ZNF703: variants seen among roughly 807,000 people sequenced by gnomAD.
ZNF703 encodes NocA-like zinc finger 1.
Under a neutral mutation model 30.7 loss-of-function variants are expected in ZNF703, and 18 were observed. The observed-to-expected ratio is 0.59, with a 90% confidence interval of 0.40 to 0.87. The LOEUF is 0.87. ZNF703 is among the 40% of genes least tolerant of loss of function. The pLI is 0.00. For missense variants in ZNF703, 814 were observed against 847.8 expected, an observed-to-expected ratio of 0.96 and a Z score of 0.50; for synonymous variants, 457 against 438.6, an observed-to-expected ratio of 1.04 and a Z score of -0.52.
rs1046191442 is a variant in ZNF703 at position 37,696,475 on chromosome 8, T to C, written c.243+253T>C. On this transcript the variant is annotated intron_variant, in intron 1 of 1. Transcript: ENST00000331569. The surrounding 1 kb of genome is among the most constrained non-coding windows in gnomAD (Gnocchi z 8.2). ...TTTTCTCTCGGATTGGATTTGCTCC[T>C]GGAGTCCCCTCTGGGTCCTTTACTT... Among the ~76,000 whole-genome samples the C allele has an allele frequency of 3.3e-5, 5 of 152,144 alleles. No homozygotes were observed. The highest frequency in any genetic ancestry group is 1.2e-4 in the African/African-American group (5 of 41,452).
chr8:37,698,911 C>A lies in ZNF703; in HGVS notation c.*237C>A. The A allele has an allele frequency of 7.7e-6, 3 of 389,380 alleles. No homozygotes were observed. Among genetic ancestry groups the A allele is most frequent in the Non-Finnish European group, 1.4e-5 (3 of 221,604 alleles). 24.1% of individuals were successfully genotyped at this position (389,380 alleles called of 1,614,324 possible). A position where few individuals can be genotyped will look rare whatever the true frequency, so the allele number is the denominator to read the frequency against. On this transcript the variant is annotated 3_prime_UTR_variant, in exon 2 of 2. Coordinates refer to ENST00000331569, the MANE Select transcript of ZNF703 (RefSeq NM_025069.3). ...GGTATGCAAAAAGTCTGTGTTCTCC[C>A]AAATAATAATATTAATCCCACAAAT...
rs1052867150 is a variant in ZNF703 at position 37,699,978 on chromosome 8, A to G, written c.*1304A>G. ...GGGACGAACAGAGCTCTCCCTTGGT[A>G]AGACTTATTTTGTTAATAAATGGAA... is the stretch of plus-strand genomic sequence containing the variant. On this transcript the variant is annotated 3_prime_UTR_variant, in exon 2 of 2. Transcript: ENST00000331569. The G allele has an allele frequency of 7.9e-5, 12 of 152,202 alleles. No individual in the cohort carries two copies. The highest frequency in any genetic ancestry group is 1.6e-4 in the Non-Finnish European group (11 of 68,060). 9.4% of individuals were successfully genotyped at this position (152,202 alleles called of 1,614,324 possible).
rs1354297224 is a variant in ZNF703, at chr8:37,697,912, C to T, written c.1011C>T (p.Ser337=). 1.3e-6 allele frequency: 2 copies of T among 1,556,722 alleles called. No homozygotes were observed. Among genetic ancestry groups the T allele is most frequent in the Non-Finnish European group, 1.7e-6 (2 of 1,157,430 alleles). The part of the protein sequence containing the change: ...PSQFVPGLDP[S]KSGLVGGQLS... ...AGTTCGTGCCTGGCCTGGATCCTAG[C>T]AAGTCCGGCCTCGTGGGAGGCCAGC... The change falls in exon 2 of 2, where the codon AGC becomes AGT. Residue 337 remains serine, a synonymous_variant. Coordinates refer to ENST00000331569, the MANE Select transcript of ZNF703 (RefSeq NM_025069.3).
rs1802121785 is a variant in ZNF703, at chr8:37,698,814, G to C, written c.*140G>C. The C allele has an allele frequency of 3.0e-6, 2 of 657,500 alleles. No homozygotes were observed. The highest frequency in any genetic ancestry group is 3.8e-5 in the African/African-American group (2 of 52,494). The allele number at this position is 657,500 out of a possible 1,614,324, so 40.7% of individuals were successfully genotyped here. ...CCACCCAGCCCTTCCCCACCGGACT[G>C]TGTATTTATTTACTATAATGTTAGC... is the stretch of plus-strand genomic sequence containing the variant. On this transcript the variant is annotated 3_prime_UTR_variant, in exon 2 of 2. Coordinates refer to ENST00000331569, the MANE Select transcript of ZNF703 (RefSeq NM_025069.3).
At position 37,698,223 on chromosome 8, in the gene ZNF703, C is replaced by T. The variant is rs1191792691; in HGVS notation, c.1322C>T (p.Pro441Leu). Reference sequence around the variant, plus strand: ...GCCCAGGCCGCGCTCCCCGGCCACCCGCTCTACACCTACGGCTTCATGCTG... The same window carrying T: ...GCCCAGGCCGCGCTCCCCGGCCACCTGCTCTACACCTACGGCTTCATGCTG... ...SAAQAALPGHPLYTYGFMLQN... is the reference protein window; with the variant it reads ...SAAQAALPGHLLYTYGFMLQN... Residue 441 changes from proline to leucine, a missense_variant, in exon 2 of 2, where the codon CCG (proline) becomes CTG (leucine). Pro to Leu is a moderately conservative substitution (Grantham distance 98). Transcript: ENST00000331569. The T allele has an allele frequency of 2.0e-6, 3 of 1,510,200 alleles. No individual in the cohort carries two copies. 93.5% of individuals were successfully genotyped at this position (1,510,200 alleles called of 1,614,324 possible). A position where few individuals can be genotyped will look rare whatever the true frequency, so the allele number is the denominator to read the frequency against.
At position 37,698,531 on chromosome 8, in the gene ZNF703, C is replaced by T. The variant is rs927295246; in HGVS notation, c.1630C>T (p.Arg544Trp). Residue 544 changes from arginine to tryptophan, a missense_variant, in exon 2 of 2, where the codon CGG (arginine) becomes TGG (tryptophan). Coordinates refer to ENST00000331569, the MANE Select transcript of ZNF703 (RefSeq NM_025069.3). The stretch of plus-strand genomic sequence containing the variant: ...GAATCCACACACTTTGGGCCTAAGC[C>T]GGTACCACCCCTATGGCAAGAGCCA... ...LRNPHTLGLS[R>W]YHPYGKSHLS... 51 of 1,574,464 alleles carry T rather than the reference C, an allele frequency of 3.2e-5. No homozygotes were observed. The highest frequency in any genetic ancestry group is 4.2e-5 in the Non-Finnish European group (49 of 1,163,978).
intron 1 of ZNF703, 100 bp from the exon 2 acceptor site, chr8:37,697,045 G>T: frequency 1.5e-6 from 2 of 1,326,492 alleles, no homozygotes; most frequent in African/African-American, 1.5e-5. Context: ...GGCCCGCCCC[G>T]CCCCGTGGCG....
rs1008237870 is a variant in ZNF703 at position 37,699,554 on chromosome 8, G to A, written c.*880G>A. 6.6e-6 allele frequency: 1 copy of A among 152,276 alleles called. No homozygotes were observed. The highest frequency in any genetic ancestry group is 2.4e-5 in the African/African-American group (1 of 41,456). The allele number at this position is 152,276 out of a possible 1,614,324, so 9.4% of individuals were successfully genotyped here. A position where few individuals can be genotyped will look rare whatever the true frequency, so the allele number is the denominator to read the frequency against. On this transcript the variant is annotated 3_prime_UTR_variant, in exon 2 of 2. Coordinates refer to ENST00000331569, the MANE Select transcript of ZNF703 (RefSeq NM_025069.3). ...CCCAGTGGCTACAGTGCGCCTGTCGGGGCACCTGGAGCGCTCACCTGGTTG... is the reference window on the plus strand; with the variant it reads ...CCCAGTGGCTACAGTGCGCCTGTCGAGGCACCTGGAGCGCTCACCTGGTTG...
At position 37,696,757 on chromosome 8, in the gene ZNF703, C is replaced by T. The variant is rs375057010; in HGVS notation, c.244-388C>T. On this transcript the variant is annotated intron_variant, in intron 1 of 1. Coordinates refer to ENST00000331569, the MANE Select transcript of ZNF703 (RefSeq NM_025069.3). The surrounding 1 kb of genome is among the most constrained non-coding windows in gnomAD (Gnocchi z 8.2). ...GCCCCTCCTTTAGAATCCGCGCTCC[C>T]CTCTCCTACCCCGCGGCGCCATCGC... 7.2e-5 allele frequency among the ~76,000 whole-genome samples: 11 copies of T among 152,272 alleles called. No homozygotes were observed. In the South Asian group the frequency reaches 1.0e-3, roughly 14 times the overall value.
At position 37,697,750 on chromosome 8, in the gene ZNF703, G is replaced by A. The variant is rs1311350985; in HGVS notation, c.849G>A (p.Pro283=). Residue 283 remains proline (P), a synonymous_variant, in exon 2 of 2, where the codon CCG becomes CCA. Transcript: ENST00000331569. ...ESGASGRKSE[P]PSALVGAGHV... ...GGGCCTCCGGGCGCAAGTCCGAGCC[G>A]CCCTCGGCGCTGGTGGGGGCCGGCC... is the stretch of plus-strand genomic sequence containing the variant. The A allele has an allele frequency of 2.1e-6, 3 of 1,445,266 alleles. No individual in the cohort carries two copies. Among genetic ancestry groups the A allele is most frequent in the Non-Finnish European group, 1.8e-6 (2 of 1,103,780 alleles). 89.5% of individuals were successfully genotyped at this position (1,445,266 alleles called of 1,614,324 possible).
chr8:37,695,935 G>C lies in ZNF703; in HGVS notation c.-45G>C. ...CGCCCCGGGAGCTCGCCTCCCCGGT[G>C]CTCCCCCGCCCTCCCCGCCCCCCCA... On this transcript the variant is annotated 5_prime_UTR_variant, in exon 1 of 2. Transcript: ENST00000331569. 7.1e-7 allele frequency: 1 copy of C among 1,406,486 alleles called. No homozygotes were observed. The allele number at this position is 1,406,486 out of a possible 1,614,324, so 87.1% of individuals were successfully genotyped here. A position where few individuals can be genotyped will look rare whatever the true frequency, so the allele number is the denominator to read the frequency against.
In ZNF703 at chr8:37,696,341, C is replaced by T. The variant is rs921511498; in HGVS notation, c.243+119C>T. 3 of 1,416,420 alleles carry T rather than the reference C, an allele frequency of 2.1e-6. No homozygotes were observed. Among genetic ancestry groups the T allele is most frequent in the African/African-American group, 1.5e-5 (1 of 67,204 alleles). 87.7% of individuals were successfully genotyped at this position (1,416,420 alleles called of 1,614,324 possible). On this transcript the variant is annotated intron_variant, in intron 1 of 1. Transcript: ENST00000331569. This position sits in a 1 kb window ranked among gnomAD's most constrained non-coding sequence, Gnocchi z 8.2. Reference sequence around the variant, plus strand: ...CGACACCCAAGTCTGGTCACGCTGGCGGGCTGAGTGAGGAGGGGAAGAAAA... The same window carrying T: ...CGACACCCAAGTCTGGTCACGCTGGTGGGCTGAGTGAGGAGGGGAAGAAAA...
In ZNF703 at chr8:37,695,809, C is replaced by CGGCGGT. The variant is rs1355031304; in HGVS notation, c.-165_-160dup. The CGGCGGT allele has an allele frequency of 3.7e-6, 2 of 545,766 alleles. No homozygotes were observed. The highest frequency in any genetic ancestry group is 3.3e-5 in the South Asian group (1 of 30,306). 33.8% of individuals were successfully genotyped at this position (545,766 alleles called of 1,614,324 possible). A position where few individuals can be genotyped will look rare whatever the true frequency, so the allele number is the denominator to read the frequency against. ...TTTTTGTGTTGCTAGCCGGGGCCAGCGGCGGTGGCGGCGGCGGCGGAGGCG... is the reference window on the plus strand; with the variant it reads ...TTTTTGTGTTGCTAGCCGGGGCCAGCGGCGGTGGCGGTGGCGGCGGCGGCGGAGGCG... On this transcript the variant is annotated 5_prime_UTR_variant, in exon 1 of 2. Coordinates refer to ENST00000331569, the MANE Select transcript of ZNF703 (RefSeq NM_025069.3).
rs1209031561 is a variant in ZNF703, at chr8:37,697,036, G to GCCCGC, written c.244-99_244-95dup. 1.3e-5 allele frequency: 17 copies of GCCCGC among 1,298,582 alleles called. No homozygotes were observed. In the African/African-American group the frequency reaches 2.0e-4, roughly 15 times the overall value. The allele number at this position is 1,298,582 out of a possible 1,614,324, so 80.4% of individuals were successfully genotyped here. ...CCTCGCTCGCAGACCCTCTCCCCAG[G>GCCCGC]CCCGCCCCGCCCCGTGGCGCCGCCG... On this transcript the variant is annotated intron_variant, in intron 1 of 1. Coordinates refer to ENST00000331569, the MANE Select transcript of ZNF703 (RefSeq NM_025069.3).
Position 37,697,734 on chromosome 8 carries a change from G to A in ZNF703, c.833G>A (p.Gly278Glu). Residue 278 changes from glycine to glutamate, a missense_variant, in exon 2 of 2, where the codon GGG becomes GAG. By Grantham distance (98) the Gly-to-Glu change is moderately conservative. Transcript: ENST00000331569. ...GGTGGCGCCGAGTCCGGGGCCTCCG[G>A]GCGCAAGTCCGAGCCGCCCTCGGCG... is the stretch of plus-strand genomic sequence containing the variant. ...AHGGAESGAS[G>E]RKSEPPSALV... 7.2e-7 allele frequency: 1 copy of A among 1,396,648 alleles called. No individual in the cohort carries two copies. The highest frequency in any genetic ancestry group is 1.6e-5 in the South Asian group (1 of 64,050). The allele number at this position is 1,396,648 out of a possible 1,614,324, so 86.5% of individuals were successfully genotyped here. A position where few individuals can be genotyped will look rare whatever the true frequency, so the allele number is the denominator to read the frequency against.
chr8:37,696,031 A>AGCGGCAGCGGCG lies in ZNF703; in HGVS notation c.58_69dup (p.Ser20_Gly23dup), dbSNP rs1307963830. ...CCCAAGGACACCCGAAAGCAGCGGCAGCGGCAGCGGCGGCGGCGGGAAGAG... is the reference window on the plus strand; with the variant it reads ...CCCAAGGACACCCGAAAGCAGCGGCAGCGGCAGCGGCGGCGGCAGCGGCGGCGGCGGGAAGAG... On this transcript the variant is annotated inframe_insertion, in exon 1 of 2. Coordinates refer to ENST00000331569, the MANE Select transcript of ZNF703 (RefSeq NM_025069.3). The surrounding 1 kb of genome is among the most constrained non-coding windows in gnomAD (Gnocchi z 8.2). 1 of 1,541,306 alleles carries AGCGGCAGCGGCG rather than the reference A, an allele frequency of 6.5e-7. No individual in the cohort carries two copies. Among genetic ancestry groups the AGCGGCAGCGGCG allele is most frequent in the Non-Finnish European group, 8.8e-7 (1 of 1,142,198 alleles).
chr8:37,696,173 A>T lies in ZNF703; in HGVS notation c.194A>T (p.His65Leu). 7 of 1,611,658 alleles carry T rather than the reference A, an allele frequency of 4.3e-6. No homozygotes were observed. Among genetic ancestry groups the T allele is most frequent in the Non-Finnish European group, 5.9e-6 (7 of 1,179,370 alleles). ...AGCGCTCACACCGGTCACCTCCTGC[A>T]CCCGGAGTACCTGCAGCCGCTGTCC... ...MLSAHTGHLL[H>L]PEYLQPLSST... Residue 65 changes from histidine (H) to leucine (L), a missense_variant, in exon 1 of 2, where the codon CAC becomes CTC. His to Leu is a moderately conservative substitution (Grantham distance 99). Coordinates refer to ENST00000331569, the MANE Select transcript of ZNF703 (RefSeq NM_025069.3). This position sits in a 1 kb window ranked among gnomAD's most constrained non-coding sequence, Gnocchi z 8.2.
At chr8:37,697,006 C>G (rs557395751) in intron 1 of ZNF703, 139 bp from the exon 2 acceptor site, 9 of 1,074,618 alleles carry the variant, frequency 8.4e-6, no homozygotes, top group Non-Finnish European at 9.4e-6. Context: ...CGCGCCCGGC[C>G]CGGCCCTCGC....
At position 37,698,000 on chromosome 8, in the gene ZNF703, TC is replaced by T; in HGVS notation, c.1103del (p.Pro368ArgfsTer42). On this transcript the variant is annotated frameshift_variant, in exon 2 of 2. Coordinates refer to ENST00000331569, the MANE Select transcript of ZNF703 (RefSeq NM_025069.3). LOFTEE classifies it high-confidence loss of function. ...CAGCTCCAGCCCGCTCACCGGGGCC[TC>T]CCCGCCCTCCTTCCTGCAGGGATTA... is the stretch of plus-strand genomic sequence containing the variant. ...PPSSSPLTGA[S>X]PPSFLQGLCR... 2 of 1,569,860 alleles carry T rather than the reference TC, an allele frequency of 1.3e-6. No individual in the cohort carries two copies. Among genetic ancestry groups the T allele is most frequent in the East Asian group, 2.3e-5 (1 of 43,212 alleles).
Sources: gnomAD v4.1 joint callset for allele counts (sites outside exome capture counted in the v4.1 genomes callset) on GRCh38, gnomAD v4.1.1 for gene constraint, Gnocchi (gnomAD v3.1) non-coding constraint, MANE v1.5 for transcripts, NCBI Gene and HGNC (gene_info 2026-07-23, HGNC 2026-07-21) for gene names.